Variants in FRMD4B observed in about 807,000 individuals in gnomAD.
FRMD4B encodes FERM domain containing 4B.
Under a neutral mutation model 141.5 loss-of-function variants are expected in FRMD4B, and 74 were observed. The ratio of observed to expected loss-of-function variants is 0.52; its 90% confidence interval spans 0.43 to 0.63. The LOEUF (loss-of-function observed/expected upper bound fraction) is 0.63, where lower values mean the gene tolerates loss of function less well. FRMD4B is among the 30% of genes least tolerant of loss of function. The pLI is 0.00. For missense variants in FRMD4B, 1,366 were observed against 1,253.4 expected (o/e 1.09, Z -1.36); for synonymous variants, 506 against 467.9 (o/e 1.08, Z -1.05).
At chr3:69,492,414 T>C (rs1307856714) in intron 1 of FRMD4B, among the ~76,000 whole-genome samples, 1 of 152,214 alleles carries the variant, frequency 6.6e-6, no homozygotes, top group Non-Finnish European at 1.5e-5. Flanking sequence ...AAACCAGCAT[T>C]CTAACCTGAG....
At chr3:69,244,361 CA>C (rs765070209) in intron 7 of FRMD4B, among the ~76,000 whole-genome samples, 3 of 152,150 alleles carry the variant, frequency 2.0e-5, no homozygotes, top group Non-Finnish European at 2.9e-5. Flanking sequence ...TGGATATTCA[CA>C]AGGAGTGGAC....
At chr3:69,297,239 C>G (rs1159569391) in intron 4 of FRMD4B, among the ~76,000 whole-genome samples, 5 of 152,124 alleles carry the variant, frequency 3.3e-5, no homozygotes, top group African/African-American at 1.2e-4. Context: ...AGGCCAGGAG[C>G]GATGAGAAGG....
chr3:69,344,552 T>C (rs1056034086), intron 1 of FRMD4B, among the ~76,000 whole-genome samples: 1 of 152,230 alleles, frequency 6.6e-6, no homozygotes, highest in African/African-American at 2.4e-5. Context: ...AGACTGAATA[T>C]GAAAAATTAG....
chr3:69,514,500 G>A (rs1301416894), intron 1 of FRMD4B, among the ~76,000 whole-genome samples: 1 of 151,990 alleles, frequency 6.6e-6, no homozygotes, highest in African/African-American at 2.4e-5. Context: ...GACCAGCCTG[G>A]CCAATGGGGT....
At chr3:69,290,911 A>G (rs1003779941) in intron 4 of FRMD4B, among the ~76,000 whole-genome samples, 1 of 152,166 alleles carries the variant, frequency 6.6e-6, no homozygotes, top group African/African-American at 2.4e-5. Flanking sequence ...CTCAACTAGC[A>G]CTCAGCAGGA....
chr3:69,225,027 T>C (rs890020009), intron 7 of FRMD4B, among the ~76,000 whole-genome samples: 3 of 152,250 alleles, frequency 2.0e-5, no homozygotes, highest in African/African-American at 7.2e-5. Context: ...TCATCTTTAG[T>C]GGCTACATAA....
At chr3:69,220,506 T>C (rs1233441402) in intron 9 of FRMD4B, among the ~76,000 whole-genome samples, 2 of 152,204 alleles carry the variant, frequency 1.3e-5, no homozygotes, top group Non-Finnish European at 2.9e-5. Flanking sequence ...AATTTCAAGA[T>C]GCTAACTTCT....
intron 1 of FRMD4B, among the ~76,000 whole-genome samples, chr3:69,509,487 T>A (rs1281143304): frequency 6.6e-6 from 1 of 152,174 alleles, no homozygotes; most frequent in African/African-American, 2.4e-5. Flanking sequence ...GTGCTGGAAG[T>A]GAGTCATTAA....
rs554268664 is a variant in FRMD4B at position 69,194,376 on chromosome 3, T to G, written c.1489-503A>C. ...AATGAGATAGTATATGTGCATTGCT[T>G]AGCTCAGAGATGGGTACACAGTGAG... On this transcript the variant is annotated intron_variant, in intron 16 of 22. Transcript: ENST00000398540. Among the ~76,000 whole-genome samples the G allele has an allele frequency of 2.0e-5, 3 of 152,306 alleles. No homozygotes were observed. The South Asian group carries it at 6.2e-4, about 32-fold the overall frequency.
intron 5 of FRMD4B, among the ~76,000 whole-genome samples, chr3:69,254,439 T>A (rs2093480706): frequency 6.6e-6 from 1 of 152,110 alleles, no homozygotes; most frequent in Non-Finnish European, 1.5e-5. Flanking sequence ...GAAAGTTTGA[T>A]GAGAAACAGG....
intron 11 of FRMD4B, 60 bp from the exon 12 acceptor site, chr3:69,198,834 A>G (rs73835781): frequency 0.011 from 9,126 of 807,566 alleles, 405 homozygotes; most frequent in African/African-American, 0.1. Flanking sequence ...AATTCTATAA[A>G]TCAGCTTAAT....
chr3:69,480,157 C>T (rs1172366999), intron 1 of FRMD4B, among the ~76,000 whole-genome samples: 1 of 152,122 alleles, frequency 6.6e-6, no homozygotes, highest in Non-Finnish European at 1.5e-5. Context: ...TTTGAATTTC[C>T]TCCTGTAGCT....
chr3:69,288,620 C>A (rs1700774922), intron 4 of FRMD4B, among the ~76,000 whole-genome samples: 1 of 152,160 alleles, frequency 6.6e-6, no homozygotes, highest in African/African-American at 2.4e-5. Flanking sequence ...ACTGATGAGG[C>A]CGGCTTGCAA....
intron 1 of FRMD4B, among the ~76,000 whole-genome samples, chr3:69,464,246 T>C (rs1421868808): frequency 2.0e-5 from 3 of 152,170 alleles, no homozygotes; most frequent in African/African-American, 7.2e-5. Flanking sequence ...TTAATACCTA[T>C]CCTGTCAGAA....
intron 1 of FRMD4B, among the ~76,000 whole-genome samples, chr3:69,459,590 C>T (rs992714585): frequency 6.6e-6 from 1 of 152,186 alleles, no homozygotes; most frequent in African/African-American, 2.4e-5. Context: ...TGATTAAAAA[C>T]TCTGGAACCA....
chr3:69,454,707 C>G (rs1705559847), intron 1 of FRMD4B, among the ~76,000 whole-genome samples: 1 of 152,228 alleles, frequency 6.6e-6, no homozygotes, highest in Non-Finnish European at 1.5e-5. Flanking sequence ...CCCACCATGC[C>G]TGAGCCCCGC....
chr3:69,225,879 G>C (rs1334112909), intron 7 of FRMD4B, among the ~76,000 whole-genome samples: 1 of 151,962 alleles, frequency 6.6e-6, no homozygotes, highest in Non-Finnish European at 1.5e-5. Flanking sequence ...GATGAAACTG[G>C]TGTTCATCAA....
At chr3:69,173,589 A>AT (rs997841214) in intron 22 of FRMD4B, among the ~76,000 whole-genome samples, 2 of 152,230 alleles carry the variant, frequency 1.3e-5, no homozygotes, top group African/African-American at 4.8e-5. Context: ...TTTATGAATG[A>AT]TTGTTATTAT....
intron 1 of FRMD4B, among the ~76,000 whole-genome samples, chr3:69,439,583 T>A (rs1172995323): frequency 6.6e-6 from 1 of 151,958 alleles, no homozygotes; most frequent in African/African-American, 2.4e-5. Context: ...ATACCAAGAG[T>A]CCCTCCTTTG....
Sources: gnomAD v4.1 joint callset for allele counts (sites outside exome capture counted in the v4.1 genomes callset) on GRCh38, gnomAD v4.1.1 for gene constraint, MANE v1.5 for transcripts, NCBI Gene and HGNC (gene_info 2026-07-23, HGNC 2026-07-21) for gene names.